RGS5: variants seen among roughly 807,000 people sequenced by gnomAD.
RGS5 encodes regulator of G protein signaling 5, also known as regulator of G-protein signalling 5.
RGS5 carries 20 observed loss-of-function variants against 18.9 expected under a neutral mutation model. That is an observed-to-expected ratio of 1.06 (90% CI 0.74 to 1.54). RGS5 has a LOEUF of 1.54. RGS5 is among the 40% of genes most tolerant of loss of function. The pLI, the probability that RGS5 is intolerant of heterozygous loss-of-function variation, is 0.00. For missense variants in RGS5, 201 were observed against 211.8 expected (o/e 0.95, Z 0.32); for synonymous variants, 57 against 76.2 (o/e 0.75, Z 1.31).
At chr1:163,248,601 G>A (rs1445938500) in intron 2 of RGS5, 1 of 151,372 alleles carries the variant, frequency 6.6e-6, no homozygotes, top group East Asian at 1.9e-4. Context: ...CCATTTCCCT[G>A]GAAAAAAAAA....
At chr1:163,288,074 T>G (rs768619363) in intron 2 of RGS5, among the ~76,000 whole-genome samples, 1 of 152,024 alleles carries the variant, frequency 6.6e-6, no homozygotes, top group Non-Finnish European at 1.5e-5. Context: ...TTCTAGAAAT[T>G]AGATAAATTT....
intron 1 of RGS5, chr1:163,172,525 CGT>C: frequency 6.5e-7 from 1 of 1,541,910 alleles, no homozygotes; most frequent in Non-Finnish European, 8.7e-7. Context: ...AAGAGAAAAT[CGT>C]ATTCCATTTC....
chr1:163,185,803 T>C (rs139705458), intron 1 of RGS5, among the ~76,000 whole-genome samples: 83 of 152,350 alleles, frequency 5.4e-4, no homozygotes, highest in Middle Eastern at 3.4e-3. Flanking sequence ...CATAAACTTA[T>C]TTAGTGCTCA....
intron 1 of RGS5, among the ~76,000 whole-genome samples, chr1:163,313,238 T>TA (rs1186727923): frequency 2.6e-5 from 4 of 152,196 alleles, no homozygotes; most frequent in Middle Eastern, 3.4e-3. Flanking sequence ...TTATTTTCTT[T>TA]AAAAAAAATT....
intron 3 of RGS5, among the ~76,000 whole-genome samples, chr1:163,154,028 A>C (rs1657487678): frequency 6.6e-6 from 1 of 152,160 alleles, no homozygotes; most frequent in Non-Finnish European, 1.5e-5. Context: ...GGGCAGAAGG[A>C]AGGATTATTG....
chr1:163,154,216 C>T (rs751428466), intron 3 of RGS5, among the ~76,000 whole-genome samples: 7 of 152,078 alleles, frequency 4.6e-5, no homozygotes, highest in Non-Finnish European at 8.8e-5. Context: ...ATTTATTAGT[C>T]ATTGCCAATA....
chr1:163,194,307 G>T (rs984532529), intron 1 of RGS5, among the ~76,000 whole-genome samples: 1 of 152,138 alleles, frequency 6.6e-6, no homozygotes, highest in Non-Finnish European at 1.5e-5. Flanking sequence ...ATATGTAATT[G>T]ATTGCATCTT....
chr1:163,298,445 T>C (rs1396547), intron 2 of RGS5, among the ~76,000 whole-genome samples: 13,652 of 151,988 alleles, frequency 0.09, 676 homozygotes, highest in African/African-American at 0.13. Context: ...GGCCAGATGA[T>C]AGAAGTTTTT....
intron 2 of RGS5, among the ~76,000 whole-genome samples, chr1:163,228,377 C>T (rs951272582): frequency 5.9e-5 from 9 of 152,344 alleles, no homozygotes; most frequent in South Asian, 2.1e-4. Flanking sequence ...TTGGGGCTTT[C>T]GCCCTCTGAA....
chr1:163,144,954 T>G lies in RGS5; in HGVS notation c.*2388A>C, dbSNP rs115269521. ...ATATGTGTAGGAATACAATTTTAAA[T>G]GTAAGATTATATAGATGTAGATATA... On this transcript the variant is annotated 3_prime_UTR_variant, in exon 5 of 5. Coordinates refer to ENST00000313961, the MANE Select transcript of RGS5 (RefSeq NM_003617.4). 2.7e-3 allele frequency: 416 copies of G among 152,330 alleles called. 4 individuals carry two copies. Among genetic ancestry groups the G allele is most frequent in the African/African-American group, 9.2e-3 (381 of 41,578 alleles). 9.4% of individuals were successfully genotyped at this position (152,330 alleles called of 1,614,324 possible).
At chr1:163,314,662 T>C (rs1649968482) in intron 1 of RGS5, among the ~76,000 whole-genome samples, 1 of 152,202 alleles carries the variant, frequency 6.6e-6, no homozygotes, top group Admixed American at 6.5e-5. Context: ...TGAATATTTG[T>C]GTCTCCCCAA....
intron 2 of RGS5, among the ~76,000 whole-genome samples, chr1:163,247,862 G>T (rs1485176606): frequency 6.6e-6 from 1 of 151,996 alleles, no homozygotes; most frequent in African/African-American, 2.4e-5. Flanking sequence ...CTAGCATAAC[G>T]TTGGCCCATG....
intron 2 of RGS5, among the ~76,000 whole-genome samples, chr1:163,292,150 CCTTAT>C (rs1649305777): frequency 6.6e-6 from 1 of 152,088 alleles, no homozygotes; most frequent in Non-Finnish European, 1.5e-5. Context: ...AGCTACTCTA[CCTTAT>C]CTTCTCTCTC....
chr1:163,255,852 G>C (rs1648257030), intron 2 of RGS5, among the ~76,000 whole-genome samples: 2 of 152,052 alleles, frequency 1.3e-5, no homozygotes, highest in Admixed American at 1.3e-4. Context: ...CAGAACCAAA[G>C]ACAAAAACCA....
chr1:163,272,987 T>C (rs1002700438), intron 2 of RGS5, among the ~76,000 whole-genome samples: 2 of 152,072 alleles, frequency 1.3e-5, no homozygotes, highest in Non-Finnish European at 2.9e-5. Flanking sequence ...TTTTGAATCA[T>C]GAGGGGTTTT....
At chr1:163,159,943 C>T (rs968050546) in intron 3 of RGS5, among the ~76,000 whole-genome samples, 3 of 151,986 alleles carry the variant, frequency 2.0e-5, no homozygotes, top group Non-Finnish European at 2.9e-5. Context: ...GTATATTTTC[C>T]CCTCTGAGAA....
chr1:163,276,249 C>T (rs1648850777), intron 2 of RGS5, among the ~76,000 whole-genome samples: 1 of 152,122 alleles, frequency 6.6e-6, no homozygotes, highest in Admixed American at 6.5e-5. Flanking sequence ...CTGCCTTGGC[C>T]TCCCAAAGTG....
intron 4 of RGS5, among the ~76,000 whole-genome samples, chr1:163,149,884 C>T (rs1366181142): frequency 2.6e-5 from 4 of 152,084 alleles, no homozygotes; most frequent in Non-Finnish European, 5.9e-5. Flanking sequence ...GTAATAAAAG[C>T]TATGACTTAA....
At chr1:163,266,612 C>T (rs998266637) in intron 2 of RGS5, 2 of 152,160 alleles carry the variant, frequency 1.3e-5, no homozygotes, top group African/African-American at 4.8e-5. Context: ...GCTCAAAATT[C>T]ACTTTTCTCT....
Sources: allele counts gnomAD v4.1 joint callset (sites outside exome capture counted in the v4.1 genomes callset), GRCh38; gene constraint gnomAD v4.1.1; transcripts MANE v1.5; gene names NCBI Gene and HGNC (gene_info 2026-07-23, HGNC 2026-07-21).